The following GPD1L variants were observed in gnomAD, a reference collection of about 807,000 sequenced individuals.
GPD1L encodes the protein glycerol-3-phosphate dehydrogenase 1-like protein.
In GPD1L, 17 loss-of-function variants were observed where a neutral mutation model predicts 32.9. That is an observed-to-expected ratio of 0.52 (90% CI 0.35 to 0.78). GPD1L has a LOEUF of 0.78. Among genes scored for constraint, GPD1L ranks in the 30% least tolerant of loss-of-function variants. The pLI is 0.01. For missense variants in GPD1L, 361 were observed against 447.8 expected (o/e 0.81, Z 1.75); for synonymous variants, 187 against 165.9 (o/e 1.13, Z -0.98).
intron 1 of GPD1L, among the ~76,000 whole-genome samples, chr3:32,121,285 T>C (rs1170338139): frequency 6.6e-6 from 1 of 151,840 alleles, no homozygotes; most frequent in East Asian, 1.9e-4. Flanking sequence ...TCTGGATGTG[T>C]TGGTTCTAGA....
Position 32,166,125 on chromosome 3 carries a change from G to A in GPD1L, c.*215G>A. 1.7e-6 allele frequency: 1 copy of A among 582,008 alleles called. No individual in the cohort carries two copies. Among genetic ancestry groups the A allele is most frequent in the Non-Finnish European group, 3.1e-6 (1 of 324,474 alleles). The allele number at this position is 582,008 out of a possible 1,614,324, so 36.1% of individuals were successfully genotyped here. A position where few individuals can be genotyped will look rare whatever the true frequency, so the allele number is the denominator to read the frequency against. ...ACACACATGCAAACATGTGAATGGT[G>A]GTTTATTCCTCATTCTGTGGATGTT... is the stretch of plus-strand genomic sequence containing the variant. On this transcript the variant is annotated 3_prime_UTR_variant, in exon 8 of 8. Transcript: ENST00000282541.
At chr3:32,116,900 T>G (rs1700339733) in intron 1 of GPD1L, among the ~76,000 whole-genome samples, 2 of 152,204 alleles carry the variant, frequency 1.3e-5, no homozygotes, top group Admixed American at 6.5e-5. Context: ...TATTTTATAA[T>G]AAGTCTGAGC....
At chr3:32,111,859 C>T (rs986616196) in intron 1 of GPD1L, among the ~76,000 whole-genome samples, 5 of 151,062 alleles carry the variant, frequency 3.3e-5, no homozygotes, top group African/African-American at 1.2e-4. Context: ...GGTGCAGCAT[C>T]CTGGCTGTTC....
intron 5 of GPD1L, among the ~76,000 whole-genome samples, chr3:32,158,104 A>C (rs552912713): frequency 6.6e-6 from 1 of 152,326 alleles, no homozygotes; most frequent in East Asian, 1.9e-4. Flanking sequence ...ACTGTTTGTC[A>C]TGGCCCCAAA....
At chr3:32,109,956 C>T (rs756101844) in intron 1 of GPD1L, among the ~76,000 whole-genome samples, 12 of 152,374 alleles carry the variant, frequency 7.9e-5, no homozygotes, top group Admixed American at 2.0e-4. Flanking sequence ...CTCGCTCTGT[C>T]GCCCAGGCTA....
intron 4 of GPD1L, among the ~76,000 whole-genome samples, chr3:32,144,111 ATAT>A (rs1242808195): frequency 6.6e-6 from 1 of 152,238 alleles, no homozygotes; most frequent in Non-Finnish European, 1.5e-5. Flanking sequence ...TTAGATAATA[ATAT>A]TATGTAAACA....
At chr3:32,109,738 G>A (rs934661793) in intron 1 of GPD1L, among the ~76,000 whole-genome samples, 7 of 152,284 alleles carry the variant, frequency 4.6e-5, no homozygotes, top group African/African-American at 9.6e-5. Flanking sequence ...AGTGTTGCCC[G>A]GTGAAGAGAC....
intron 4 of GPD1L, among the ~76,000 whole-genome samples, chr3:32,142,856 C>A (rs560002476): frequency 6.6e-6 from 1 of 152,134 alleles, no homozygotes; most frequent in South Asian, 2.1e-4. Context: ...GCTTCTATGC[C>A]TTCTCTGTGG....
chr3:32,128,237 A>T lies in GPD1L; in HGVS notation c.209A>T (p.Lys70Met). 1.9e-6 allele frequency: 3 copies of T among 1,613,632 alleles called. No homozygotes were observed. The South Asian group carries it at 3.3e-5, about 18-fold the overall frequency. The change falls in exon 2 of 8, where the codon AAG becomes ATG. Residue 70 changes from lysine to methionine, a missense_variant. Physicochemically the swap from Lys to Met is moderately conservative, Grantham distance 95. Coordinates refer to ENST00000282541, the MANE Select transcript of GPD1L (RefSeq NM_015141.4). ...AATGTAAAATATCTTCCTGGACACA[A>T]GCTGCCAGAAAATGTGGTAAGACTT... is the stretch of plus-strand genomic sequence containing the variant. ...HENVKYLPGH[K>M]LPENVVAMSN...
chr3:32,139,850 C>G (rs572156463), intron 3 of GPD1L, among the ~76,000 whole-genome samples: 36 of 152,104 alleles, frequency 2.4e-4, no homozygotes, highest in Non-Finnish European at 4.6e-4. Flanking sequence ...ACTTGAAACC[C>G]CAGGGATAAT....
intron 1 of GPD1L, among the ~76,000 whole-genome samples, chr3:32,107,555 A>G (rs1700182288): frequency 6.6e-6 from 1 of 152,174 alleles, no homozygotes; most frequent in South Asian, 2.1e-4. Context: ...GGTGTTTCCA[A>G]GCCTTTTTTC....
intron 1 of GPD1L, among the ~76,000 whole-genome samples, chr3:32,125,915 A>G (rs1199558607): frequency 6.6e-6 from 1 of 152,224 alleles, no homozygotes; most frequent in Non-Finnish European, 1.5e-5. Flanking sequence ...CAAGAGTAAA[A>G]TAACTGGAAT....
At chr3:32,154,253 C>G (rs1470136231) in intron 5 of GPD1L, among the ~76,000 whole-genome samples, 4 of 152,112 alleles carry the variant, frequency 2.6e-5, no homozygotes, top group Non-Finnish European at 5.9e-5. Context: ...GGTTAAATGT[C>G]TAGTAAAAGC....
Position 32,140,122 on chromosome 3 carries a change from G to C in GPD1L, c.367-106G>C, listed in dbSNP as rs1700719676. ...AGGCAGTATAGATGCTTTTACTCTT[G>C]TAAGTAGGAGACATTTTTCAAGTTG... On this transcript the variant is annotated intron_variant, in intron 3 of 7. Transcript: ENST00000282541. The C allele has an allele frequency of 8.7e-7, 1 of 1,143,830 alleles. No homozygotes were observed. Among genetic ancestry groups the C allele is most frequent in the South Asian group, 1.2e-5 (1 of 80,798 alleles). The allele number at this position is 1,143,830 out of a possible 1,614,324, so 70.9% of individuals were successfully genotyped here.
chr3:32,123,040 G>C (rs1406880005), intron 1 of GPD1L, among the ~76,000 whole-genome samples: 8 of 152,144 alleles, frequency 5.3e-5, no homozygotes, highest in African/African-American at 1.9e-4. Flanking sequence ...GAGTCGCTAG[G>C]ACTACAGGTG....
intron 4 of GPD1L, among the ~76,000 whole-genome samples, chr3:32,143,328 G>A (rs1700774986): frequency 6.6e-6 from 1 of 152,030 alleles, no homozygotes; most frequent in African/African-American, 2.4e-5. Flanking sequence ...TGGCCTCATG[G>A]GATCCTCCTG....
At chr3:32,126,422 G>A (rs940915592) in intron 1 of GPD1L, among the ~76,000 whole-genome samples, 10 of 152,030 alleles carry the variant, frequency 6.6e-5, no homozygotes, top group South Asian at 2.1e-4. Flanking sequence ...ATAGTCCCTC[G>A]TCAGTTGATG....
rs1701161556 is a variant in GPD1L at position 32,167,275 on chromosome 3, G to A, written c.*1365G>A. ...TCGAATGTATGTTTATACATCAGTG[G>A]AACCCATTTTTCTAGCCTAGCAAGT... On this transcript the variant is annotated 3_prime_UTR_variant, in exon 8 of 8. Transcript: ENST00000282541. 6.6e-6 allele frequency: 1 copy of A among 152,170 alleles called. No individual in the cohort carries two copies. The highest frequency in any genetic ancestry group is 1.5e-5 in the Non-Finnish European group (1 of 68,040). The allele number at this position is 152,170 out of a possible 1,614,324, so 9.4% of individuals were successfully genotyped here.
chr3:32,117,226 G>A (rs1459330839), intron 1 of GPD1L, among the ~76,000 whole-genome samples: 1 of 152,112 alleles, frequency 6.6e-6, no homozygotes, highest in African/African-American at 2.4e-5. Flanking sequence ...TCCTCTTGAT[G>A]GATATTCTAA....
Sources: allele counts gnomAD v4.1 joint callset (sites outside exome capture counted in the v4.1 genomes callset), GRCh38; gene constraint gnomAD v4.1.1; transcripts MANE v1.5; gene names NCBI Gene and HGNC (gene_info 2026-07-23, HGNC 2026-07-21).